Variants in DYSF observed in about 807,000 individuals in gnomAD.
The protein encoded by DYSF is dystrophy-associated fer-1-like 1.
DYSF carries 212 observed loss-of-function variants against 274.9 expected under a neutral mutation model. The ratio of observed to expected loss-of-function variants is 0.77; its 90% CI spans 0.69 to 0.86. The LOEUF (loss-of-function observed/expected upper bound fraction) is 0.86, where lower values mean the gene tolerates loss of function less well. DYSF is among the 40% of genes least tolerant of loss of function. DYSF has a pLI of 0.00. For synonymous variants in DYSF, 1,091 were observed against 1,078.7 expected, an observed-to-expected ratio of 1.01 and a Z score of -0.22; for missense variants, 2,666 against 2,783.2, an observed-to-expected ratio of 0.96 and a Z score of 0.95.
At chr2:71,548,905 G>A (rs1156475389) in intron 17 of DYSF, among the ~76,000 whole-genome samples, 2 of 152,200 alleles carry the variant, frequency 1.3e-5, no homozygotes, top group Non-Finnish European at 2.9e-5. Flanking sequence ...GGCTTGGAGT[G>A]TGGGGTGTGC....
intron 21 of DYSF, 130 bp from the exon 22 acceptor site, chr2:71,555,835 C>A: frequency 1.3e-6 from 1 of 763,972 alleles, no homozygotes; most frequent in Non-Finnish European, 2.3e-6. Flanking sequence ...TGGGCCTGGA[C>A]TCTGCCTTCT....
At chr2:71,675,298 G>A (rs549039982) in intron 52 of DYSF, among the ~76,000 whole-genome samples, 1 of 152,184 alleles carries the variant, frequency 6.6e-6, no homozygotes, top group Non-Finnish European at 1.5e-5. Context: ...TTAAAGTGGT[G>A]CATTTATGTG....
At chr2:71,492,698 TCC>T (rs35861056) in intron 3 of DYSF, among the ~76,000 whole-genome samples, 7,359 of 116,348 alleles carry the variant, frequency 0.063, 700 homozygotes, top group African/African-American at 0.21. Flanking sequence ...TCTCCCTTCC[TCC>T]CCCCCCCCCT....
intron 41 of DYSF, among the ~76,000 whole-genome samples, chr2:71,642,669 GT>G (rs2094505173): frequency 6.6e-6 from 1 of 152,210 alleles, no homozygotes; most frequent in South Asian, 2.1e-4. Context: ...CCTGTGTGGT[GT>G]GTCTGGAGAC....
chr2:71,679,566 G>A (rs546987374), intron 53 of DYSF, among the ~76,000 whole-genome samples: 2 of 152,066 alleles, frequency 1.3e-5, no homozygotes, highest in Non-Finnish European at 1.5e-5. Flanking sequence ...ATGGGCGGGG[G>A]TCATGCCTCT....
intron 30 of DYSF, among the ~76,000 whole-genome samples, chr2:71,575,306 T>C (rs2152824535): frequency 6.6e-6 from 1 of 152,198 alleles, no homozygotes; most frequent in African/African-American, 2.4e-5. Context: ...CAGGCCTCGA[T>C]GGTGGGCAAG....
chr2:71,496,915 TG>T, intron 3 of DYSF, among the ~76,000 whole-genome samples: 1 of 152,238 alleles, frequency 6.6e-6, no homozygotes, highest in East Asian at 1.9e-4. Context: ...GATGCACTCA[TG>T]GGCCTCTAAG....
Position 71,568,153 on chromosome 2 carries a change from A to C in DYSF, c.2698-19A>C. On this transcript the variant is annotated intron_variant, in intron 25 of 55. Coordinates refer to ENST00000410020, the MANE Select transcript of DYSF (RefSeq NM_001130987.2). ...TGCCTTGGCCCCCTGCTCACGCCTC[A>C]TTCTTCCTGGCCCTCCAGTATGAGA... The C allele has an allele frequency of 1.2e-6, 2 of 1,614,102 alleles. No homozygotes were observed. The highest frequency in any genetic ancestry group is 1.6e-4 in the Middle Eastern group (1 of 6,062).
intron 1 of DYSF, among the ~76,000 whole-genome samples, chr2:71,472,315 T>A (rs1176917142): frequency 1.3e-5 from 2 of 152,220 alleles, no homozygotes; most frequent in African/African-American, 4.8e-5. Flanking sequence ...GAAGTCTGTA[T>A]CAACTTTATC....
intron 41 of DYSF, among the ~76,000 whole-genome samples, chr2:71,627,364 T>C (rs1322198439): frequency 6.6e-6 from 1 of 152,104 alleles, no homozygotes; most frequent in East Asian, 1.9e-4. Flanking sequence ...AATATGGTTT[T>C]TGGAAGTTAC....
In DYSF at chr2:71,686,565, C is replaced by T. The variant is rs2095358807; in HGVS notation, c.*73C>T. 1 of 1,573,636 alleles carries T rather than the reference C, an allele frequency of 6.4e-7. No homozygotes were observed. On this transcript the variant is annotated 3_prime_UTR_variant, in exon 56 of 56. Coordinates refer to ENST00000410020, the MANE Select transcript of DYSF (RefSeq NM_001130987.2). ...GGACTGGCCTGCCTCCTCCGCCCAG[C>T]TCGGCGAGCTCCTCCAGACCTCCTA...
intron 13 of DYSF, 56 bp downstream of exon 13, chr2:71,526,402 T>TGGG (rs2152748854): frequency 7.7e-6 from 4 of 520,698 alleles, no homozygotes; most frequent in East Asian, 9.4e-5. Flanking sequence ...GGCGCAGGGC[T>TGGG]GGTGGGGGTG....
chr2:71,564,576 C>A, intron 24 of DYSF, among the ~76,000 whole-genome samples: 1 of 152,150 alleles, frequency 6.6e-6, no homozygotes, highest in East Asian at 1.9e-4. Context: ...CACTAGCAGG[C>A]CTTGCATGAC....
At chr2:71,645,404 T>C (rs1366830096) in intron 42 of DYSF, among the ~76,000 whole-genome samples, 1 of 151,952 alleles carries the variant, frequency 6.6e-6, no homozygotes, top group African/African-American at 2.4e-5. Flanking sequence ...CGCTGGTCAA[T>C]GGCCTGCTGG....
rs535124096 is a variant in DYSF, at chr2:71,600,703, G to A, written c.3758G>A (p.Gly1253Asp). 2 of 1,613,970 alleles carry A rather than the reference G, an allele frequency of 1.2e-6. No individual in the cohort carries two copies. Among genetic ancestry groups the A allele is most frequent in the Non-Finnish European group, 1.7e-6 (2 of 1,180,044 alleles). ...VVELYDHDTY[G>D]ADEFMGRCIC... ...CTTGTCTCTCTACGCTTGGTCTAGG[G>A]TGCAGACGAGTTTATGGGTCGCTGC... Residue 1253 changes from glycine (G) to aspartate (D), a missense_variant and splice_region_variant, in exon 34 of 56, where the codon GGT (glycine) becomes GAT (aspartate). This residue lies in a region of DYSF where 1,460 missense variants were observed against 1,502.1 expected (regional missense o/e 0.97). Coordinates refer to ENST00000410020, the MANE Select transcript of DYSF (RefSeq NM_001130987.2).
At chr2:71,569,495 T>C (rs1574053119) in intron 26 of DYSF, among the ~76,000 whole-genome samples, 1 of 152,240 alleles carries the variant, frequency 6.6e-6, no homozygotes, top group East Asian at 1.9e-4. Context: ...TCAAATCTTA[T>C]GAGCACAACT....
chr2:71,659,331 T>A (rs1349334806), intron 44 of DYSF, among the ~76,000 whole-genome samples: 1 of 152,182 alleles, frequency 6.6e-6, no homozygotes, highest in African/African-American at 2.4e-5. Flanking sequence ...AATAGTGTTT[T>A]AAGAGGGGCC....
intron 41 of DYSF, among the ~76,000 whole-genome samples, chr2:71,629,612 A>C (rs1574464324): frequency 6.6e-6 from 1 of 152,256 alleles, no homozygotes; most frequent in African/African-American, 2.4e-5. Flanking sequence ...AGATTAACTT[A>C]AAACTAAATG....
chr2:71,611,675 G>A, intron 38 of DYSF, 49 bp downstream of exon 38: 1 of 1,597,954 alleles, frequency 6.3e-7, no homozygotes, highest in Non-Finnish European at 8.5e-7. Context: ...GGGGCTAGAA[G>A]TTCTACATGT....
Sources: allele counts gnomAD v4.1 joint callset (sites outside exome capture counted in the v4.1 genomes callset), GRCh38; gene constraint gnomAD v4.1.1; regional missense constraint gnomAD v4.1.1; transcripts MANE v1.5; gene names NCBI Gene and HGNC (gene_info 2026-07-23, HGNC 2026-07-21).